THSD7A: variants seen among roughly 807,000 people sequenced by gnomAD.
THSD7A encodes the protein thrombospondin type-1 domain-containing protein 7A.
THSD7A carries 96 observed loss-of-function variants against 231.3 expected under a neutral mutation model. The ratio of observed to expected loss-of-function variants is 0.41; its 90% CI spans 0.35 to 0.49. THSD7A has a LOEUF of 0.49. Ranked by LOEUF, THSD7A falls within the 20% of genes least tolerant of loss-of-function variation. The probability of loss-of-function intolerance (pLI) is 0.05; values close to 1 mark genes in which losing one functional copy is unlikely to be tolerated. For missense variants in THSD7A, 2,290 were observed against 2,070.2 expected (o/e 1.11, Z -2.06); for synonymous variants, 940 against 743.3 (o/e 1.26, Z -4.30).
chr7:11,648,637 C>CGCGTGTGTGTGT (rs139855855), intron 1 of THSD7A, among the ~76,000 whole-genome samples: 3 of 141,060 alleles, frequency 2.1e-5, no homozygotes, highest in African/African-American at 2.6e-5. Context: ...TATTTTGTGG[C>CGCGTGTGTGTGT]GTGTGTGTGT....
Position 11,678,490 on chromosome 7 carries a change from C to G in THSD7A, c.191-41529G>C, listed in dbSNP as rs567110281. On this transcript the variant is annotated intron_variant, in intron 1 of 27. Coordinates refer to ENST00000423059, the MANE Select transcript of THSD7A (RefSeq NM_015204.3). The stretch of plus-strand genomic sequence containing the variant: ...AGAAAAGAGAGAAGAATCAAATAGA[C>G]CCAATAAAAAATGATAAAGGGGATA... Among the ~76,000 whole-genome samples, 12 of 152,002 alleles carry G rather than the reference C, an allele frequency of 7.9e-5. No homozygotes were observed. In the East Asian group the frequency reaches 2.3e-3, roughly 29 times the overall value.
At chr7:11,768,326 T>A (rs1783094669) in intron 1 of THSD7A, among the ~76,000 whole-genome samples, 1 of 152,174 alleles carries the variant, frequency 6.6e-6, no homozygotes, top group Non-Finnish European at 1.5e-5. Context: ...ACCTAATAAG[T>A]TCTCCGTGTT....
At chr7:11,539,857 A>G (rs1284313643) in intron 6 of THSD7A, among the ~76,000 whole-genome samples, 1 of 152,206 alleles carries the variant, frequency 6.6e-6, no homozygotes, top group African/African-American at 2.4e-5. Context: ...TACTTTTCAC[A>G]ATACCTGAGA....
Position 11,826,961 on chromosome 7 carries a change from C to T in THSD7A, c.190+4796G>A, listed in dbSNP as rs537906261. On this transcript the variant is annotated intron_variant, in intron 1 of 27. Coordinates refer to ENST00000423059, the MANE Select transcript of THSD7A (RefSeq NM_015204.3). Reference sequence around the variant, plus strand: ...CAAAGATAAGTTAACTTTGAAATGACTGTGATACAAAAGTGCTGAAAATTT... The same window carrying T: ...CAAAGATAAGTTAACTTTGAAATGATTGTGATACAAAAGTGCTGAAAATTT... Among the ~76,000 whole-genome samples, 8 of 152,030 alleles carry T rather than the reference C, an allele frequency of 5.3e-5. No homozygotes were observed. The South Asian group carries it at 6.2e-4, about 12-fold the overall frequency.
intron 1 of THSD7A, among the ~76,000 whole-genome samples, chr7:11,651,957 C>T (rs1782523700): frequency 6.6e-6 from 1 of 151,860 alleles, no homozygotes; most frequent in Non-Finnish European, 1.5e-5. Context: ...AAACCATCTT[C>T]TCAGAATGGA....
chr7:11,542,494 A>C (rs1789194864), intron 5 of THSD7A, among the ~76,000 whole-genome samples: 1 of 152,232 alleles, frequency 6.6e-6, no homozygotes, highest in Non-Finnish European at 1.5e-5. Flanking sequence ...CAAAGTAATA[A>C]GCAGCCTTAT....
intron 1 of THSD7A, among the ~76,000 whole-genome samples, chr7:11,765,366 C>A (rs535069902): frequency 9.8e-4 from 149 of 152,242 alleles, no homozygotes; most frequent in Admixed American, 1.8e-3. Flanking sequence ...CCAGCTTTGG[C>A]ATGTGTTAAT....
intron 1 of THSD7A, among the ~76,000 whole-genome samples, chr7:11,777,111 G>C (rs904395427): frequency 1.3e-5 from 2 of 152,024 alleles, no homozygotes; most frequent in Admixed American, 6.6e-5. Flanking sequence ...GATAATGTGC[G>C]AGCGAAAAAT....
chr7:11,402,124 G>A (rs746975217), intron 22 of THSD7A, among the ~76,000 whole-genome samples, 156 bp from the exon 23 acceptor site: 21 of 152,226 alleles, frequency 1.4e-4, no homozygotes, highest in Middle Eastern at 3.4e-3. Context: ...TTGTAAATTT[G>A]TAATTGTATA....
chr7:11,719,041 T>C (rs773319446), intron 1 of THSD7A, among the ~76,000 whole-genome samples: 3 of 151,696 alleles, frequency 2.0e-5, no homozygotes, highest in Admixed American at 6.6e-5. Flanking sequence ...ATTTTCTCTA[T>C]AAGCAATATC....
Position 11,636,689 on chromosome 7 carries a change from C to G in THSD7A, c.463G>C (p.Val155Leu), listed in dbSNP as rs761851828. 1.1e-5 allele frequency: 18 copies of G among 1,613,906 alleles called. No individual in the cohort carries two copies. In the African/African-American group the frequency reaches 2.4e-4, roughly 22 times the overall value. Reference sequence around the variant, plus strand: ...TTCTGGATGCACGCTATCTCCCTCACCTGAATACCTTCTTCCCCCTTAATG... The same window carrying G: ...TTCTGGATGCACGCTATCTCCCTCAGCTGAATACCTTCTTCCCCCTTAATG... ...ECIKGEEGIQ[V>L]REIACIQKDK... is the part of the protein sequence containing the mutation. The change falls in exon 2 of 28, where the codon GTG becomes CTG. Residue 155 changes from valine to leucine, a missense_variant. By Grantham distance (32) the Val-to-Leu change is conservative. Coordinates refer to ENST00000423059, the MANE Select transcript of THSD7A (RefSeq NM_015204.3). This position sits in a 1 kb window ranked among gnomAD's most constrained non-coding sequence, Gnocchi z 10.0.
chr7:11,450,661 G>A (rs370455812), intron 11 of THSD7A, among the ~76,000 whole-genome samples: 1 of 151,926 alleles, frequency 6.6e-6, no homozygotes, highest in South Asian at 2.1e-4. Context: ...CTGAAAACAG[G>A]GTGATTTGAA....
chr7:11,664,638 A>G (rs1783051834), intron 1 of THSD7A, among the ~76,000 whole-genome samples: 1 of 151,962 alleles, frequency 6.6e-6, no homozygotes, highest in Admixed American at 6.6e-5. Context: ...GCACATAGGA[A>G]CATAAAAGAT....
chr7:11,595,560 AG>A (rs1168230803), intron 2 of THSD7A, among the ~76,000 whole-genome samples: 1 of 152,182 alleles, frequency 6.6e-6, no homozygotes, highest in African/African-American at 2.4e-5. Context: ...TTTAATGTAG[AG>A]GAAGGGATCC....
chr7:11,402,039 C>A, intron 22 of THSD7A, 71 bp from the exon 23 acceptor site: 3 of 1,338,256 alleles, frequency 2.2e-6, no homozygotes, highest in Non-Finnish European at 3.1e-6. Flanking sequence ...CATTTTAATT[C>A]CAACCCCAGT....
At chr7:11,707,734 C>G (rs929571538) in intron 1 of THSD7A, among the ~76,000 whole-genome samples, 7 of 150,864 alleles carry the variant, frequency 4.6e-5, no homozygotes, top group Non-Finnish European at 8.9e-5. Flanking sequence ...GTGCAGTACA[C>G]TCTCGTTTCC....
At chr7:11,543,805 C>T (rs1244851930) in intron 4 of THSD7A, among the ~76,000 whole-genome samples, 2 of 149,496 alleles carry the variant, frequency 1.3e-5, no homozygotes, top group African/African-American at 5.1e-5. Flanking sequence ...TGTTGCTTGT[C>T]CTTGTTTTTT....
chr7:11,570,981 A>G (rs61466222), intron 4 of THSD7A, among the ~76,000 whole-genome samples: 53,442 of 152,088 alleles, frequency 0.35, 9,701 homozygotes, highest in Middle Eastern at 0.49. Flanking sequence ...ATTCTTGATG[A>G]AGTCCTCAGA....
Position 11,563,442 on chromosome 7 carries a change from C to A in THSD7A, c.1454-20325G>T, listed in dbSNP as rs975708261. Among the ~76,000 whole-genome samples, 7 of 152,240 alleles carry A rather than the reference C, an allele frequency of 4.6e-5. No homozygotes were observed. In the South Asian group the frequency reaches 6.2e-4, roughly 14 times the overall value. On this transcript the variant is annotated intron_variant, in intron 4 of 27. Coordinates refer to ENST00000423059, the MANE Select transcript of THSD7A (RefSeq NM_015204.3). Reference sequence around the variant, plus strand: ...TGGCGTGATCTCAGCTCACTGCAACCTCCGCCTCTTGGGTTCAAGAGATTC... The same window carrying A: ...TGGCGTGATCTCAGCTCACTGCAACATCCGCCTCTTGGGTTCAAGAGATTC...
Sources: allele counts gnomAD v4.1 joint callset (sites outside exome capture counted in the v4.1 genomes callset), GRCh38; gene constraint gnomAD v4.1.1; non-coding constraint Gnocchi (gnomAD v3.1); transcripts MANE v1.5; gene names NCBI Gene and HGNC (gene_info 2026-07-23, HGNC 2026-07-21).